Variants in MGST1 observed in about 807,000 individuals in gnomAD.
MGST1 encodes glutathione S-transferase 12.
In MGST1, 5 loss-of-function variants were observed where a neutral mutation model predicts 8.9. That is an observed-to-expected ratio of 0.56 (90% CI 0.29 to 1.19). MGST1 has a LOEUF of 1.19. MGST1 is among the 50% of genes most tolerant of loss of function. The probability of loss-of-function intolerance (pLI) is 0.08; values close to 1 mark genes in which losing one functional copy is unlikely to be tolerated. For missense variants in MGST1, 182 were observed against 187.4 expected, an observed-to-expected ratio of 0.97 and a Z score of 0.17; for synonymous variants, 54 against 67.8, an observed-to-expected ratio of 0.80 and a Z score of 1.00.
At position 16,401,219 on chromosome 12, in the gene MGST1, A is replaced by G; in HGVS notation, n.778+17615A>G. 1.9e-6 allele frequency: 3 copies of G among 1,567,740 alleles called. No homozygotes were observed. The highest frequency in any genetic ancestry group is 2.2e-5 in the South Asian group (2 of 90,106). Reference sequence around the variant, plus strand: ...TCCATAAGCACTGTGTCACTAAGGAACAGGGCATAGGTTTTCTCTTCTGGC... The same window carrying G: ...TCCATAAGCACTGTGTCACTAAGGAGCAGGGCATAGGTTTTCTCTTCTGGC... On this transcript the variant is annotated intron_variant and non_coding_transcript_variant, in intron 1 of 1. Coordinates refer to the MGST1 transcript ENST00000359720. The surrounding 1 kb of genome is among the most constrained non-coding windows in gnomAD (Gnocchi z 4.3).
intron 4 of MGST1, among the ~76,000 whole-genome samples, chr12:16,476,263 A>C (rs1299257825): frequency 2.6e-5 from 4 of 152,240 alleles, no homozygotes; most frequent in Non-Finnish European, 5.9e-5. Context: ...ATAAGGAGAC[A>C]GCAGTGGTTG....
At chr12:16,374,342 T>C (rs1466319053) in intron 3 of MGST1, among the ~76,000 whole-genome samples, 1 of 152,142 alleles carries the variant, frequency 6.6e-6, no homozygotes, top group Non-Finnish European at 1.5e-5. Context: ...TTAAAATTGC[T>C]CCTAGTTTCT....
At chr12:16,588,758 C>T (rs750073316) in intron 4 of MGST1, among the ~76,000 whole-genome samples, 30 of 152,042 alleles carry the variant, frequency 2.0e-4, no homozygotes, top group Admixed American at 7.2e-4. Context: ...AGTTGGTAAA[C>T]GACCTCATTA....
At chr12:16,467,336 GCATTTT>G (rs1941262982) in intron 4 of MGST1, among the ~76,000 whole-genome samples, 1 of 152,146 alleles carries the variant, frequency 6.6e-6, no homozygotes. Flanking sequence ...TGCCATATTA[GCATTTT>G]CTGGTTTAGG....
At chr12:16,515,473 CT>C (rs1254823960) in intron 4 of MGST1, among the ~76,000 whole-genome samples, 6 of 151,912 alleles carry the variant, frequency 3.9e-5, no homozygotes, top group Admixed American at 2.6e-4. Context: ...CCCGTCTCTA[CT>C]AAAAAATCAG....
At chr12:16,486,151 C>A (rs1248531784) in intron 4 of MGST1, among the ~76,000 whole-genome samples, 1 of 152,180 alleles carries the variant, frequency 6.6e-6, no homozygotes, top group African/African-American at 2.4e-5. Flanking sequence ...AAAATTACAT[C>A]CCTATTCCCA....
rs1204567117 is a variant in MGST1, at chr12:16,584,243, A to G, written n.483-5285A>G. On this transcript the variant is annotated intron_variant and non_coding_transcript_variant, in intron 4 of 4. Coordinates refer to the MGST1 transcript ENST00000538857. The surrounding 1 kb of genome is among the most constrained non-coding windows in gnomAD (Gnocchi z 5.2). ...GTAGTGAGTGGGGAGAGTTATGTGT[A>G]TCTAAGATTGCCAGTTTCTCCTCTT... 4.6e-5 allele frequency among the ~76,000 whole-genome samples: 7 copies of G among 152,264 alleles called. No individual in the cohort carries two copies. Among genetic ancestry groups the G allele is most frequent in the Non-Finnish European group, 8.8e-5 (6 of 68,018 alleles).
intron 1 of MGST1, chr12:16,399,822 T>C (rs1183304606): frequency 2.4e-5 from 29 of 1,217,072 alleles, no homozygotes; most frequent in Non-Finnish European, 2.4e-6. Context: ...GCATTGATCA[T>C]GGTCACTTTC....
intron 4 of MGST1, among the ~76,000 whole-genome samples, chr12:16,474,011 A>G (rs1478251410): frequency 6.6e-6 from 1 of 152,220 alleles, no homozygotes; most frequent in Non-Finnish European, 1.5e-5. Flanking sequence ...TATAGAAGTT[A>G]TGTGTCTAAC....
intron 1 of MGST1, among the ~76,000 whole-genome samples, chr12:16,409,454 G>A (rs1940723759): frequency 6.6e-6 from 1 of 152,104 alleles, no homozygotes; most frequent in Admixed American, 6.6e-5. Context: ...ACGTTCACCT[G>A]TGCATGCAGT....
chr12:16,463,776 A>G (rs1941236769), intron 4 of MGST1, among the ~76,000 whole-genome samples: 1 of 152,202 alleles, frequency 6.6e-6, no homozygotes, highest in African/African-American at 2.4e-5. Flanking sequence ...GGCACAAGAC[A>G]TTCACTAATA....
At chr12:16,388,620 G>A (rs567118629) in intron 1 of MGST1, among the ~76,000 whole-genome samples, 1 of 152,130 alleles carries the variant, frequency 6.6e-6, no homozygotes, top group Non-Finnish European at 1.5e-5. Context: ...CTATATGCTT[G>A]GTTGTCACAG....
chr12:16,547,905 T>G lies in MGST1; in HGVS notation n.483-41623T>G, dbSNP rs913377378. 6.6e-6 allele frequency among the ~76,000 whole-genome samples: 1 copy of G among 152,176 alleles called. No homozygotes were observed. Among genetic ancestry groups the G allele is most frequent in the Non-Finnish European group, 1.5e-5 (1 of 68,028 alleles). ...TCAGAGAGTGGTTTGCCTAAAGTGA[T>G]AGTTAAAAGGAAAACACTTTTGCAT... On this transcript the variant is annotated intron_variant and non_coding_transcript_variant, in intron 4 of 4. Coordinates refer to the MGST1 transcript ENST00000538857. The surrounding 1 kb of genome is among the most constrained non-coding windows in gnomAD (Gnocchi z 4.6).
chr12:16,503,742 G>T lies in MGST1; in HGVS notation n.483-85786G>T, dbSNP rs1022019997. On this transcript the variant is annotated intron_variant and non_coding_transcript_variant, in intron 4 of 4. Coordinates refer to the MGST1 transcript ENST00000538857. This position sits in a 1 kb window ranked among gnomAD's most constrained non-coding sequence, Gnocchi z 4.8. ...ATCATTGCCGTGGTAACACCTGGAA[G>T]TTACCACCCCTTTCCATGACAATGA... Among the ~76,000 whole-genome samples the T allele has an allele frequency of 2.6e-5, 4 of 152,174 alleles. No homozygotes were observed. The highest frequency in any genetic ancestry group is 9.7e-5 in the African/African-American group (4 of 41,444).
intron 4 of MGST1, among the ~76,000 whole-genome samples, chr12:16,463,694 C>T (rs913264424): frequency 5.3e-5 from 8 of 151,620 alleles, no homozygotes; most frequent in Admixed American, 2.6e-4. Flanking sequence ...CTACTTTGAT[C>T]CTTTGATCTA....
At chr12:16,515,861 A>G (rs559010017) in intron 4 of MGST1, among the ~76,000 whole-genome samples, 1 of 152,178 alleles carries the variant, frequency 6.6e-6, no homozygotes, top group Non-Finnish European at 1.5e-5. Flanking sequence ...ATCATGAGTC[A>G]GACGCACAGG....
At position 16,482,174 on chromosome 12, in the gene MGST1, A is replaced by G. The variant is rs1025781488; in HGVS notation, n.482+98570A>G. Among the ~76,000 whole-genome samples, 1 of 152,240 alleles carries G rather than the reference A, an allele frequency of 6.6e-6. No individual in the cohort carries two copies. The highest frequency in any genetic ancestry group is 1.5e-5 in the Non-Finnish European group (1 of 68,030). ...ATTTTCATGAAAACCAAAGCAAATTACCACCAGTAGACCTCCAAATTCTGA... is the reference window on the plus strand; with the variant it reads ...ATTTTCATGAAAACCAAAGCAAATTGCCACCAGTAGACCTCCAAATTCTGA... On this transcript the variant is annotated intron_variant and non_coding_transcript_variant, in intron 4 of 4. Transcript: ENST00000538857. The surrounding 1 kb of genome is among the most constrained non-coding windows in gnomAD (Gnocchi z 4.2).
At chr12:16,376,900 C>T (rs1012102887) in exon 4 of MGST1, 2 of 151,880 alleles carry the variant, frequency 1.3e-5, no homozygotes, top group African/African-American at 2.4e-5. Flanking sequence ...TAATTGTTGA[C>T]ACTGTGCAAT....
chr12:16,577,498 A>G (rs1943031122), intron 4 of MGST1, among the ~76,000 whole-genome samples: 1 of 151,804 alleles, frequency 6.6e-6, no homozygotes, highest in Non-Finnish European at 1.5e-5. Context: ...CCCTCCTTCT[A>G]CCCTCCAGTC....
Sources: allele counts gnomAD v4.1 joint callset (sites outside exome capture counted in the v4.1 genomes callset), GRCh38; gene constraint gnomAD v4.1.1; non-coding constraint Gnocchi (gnomAD v3.1); transcripts MANE v1.5; gene names NCBI Gene and HGNC (gene_info 2026-07-23, HGNC 2026-07-21).